Variants in CRIM1 observed in about 807,000 individuals in gnomAD.
The protein encoded by CRIM1 is cysteine rich transmembrane BMP regulator 1.
A neutral mutation model predicts 116.4 loss-of-function variants in CRIM1; 32 were observed. That is an observed-to-expected ratio of 0.27 (90% CI 0.21 to 0.37). The LOEUF (loss-of-function observed/expected upper bound fraction) is 0.37, where lower values mean the gene tolerates loss of function less well. CRIM1 is among the 10% of genes least tolerant of loss of function. The pLI, the probability that CRIM1 is intolerant of heterozygous loss-of-function variation, is 1.00. For missense variants in CRIM1, 1,331 were observed against 1,354.8 expected, an observed-to-expected ratio of 0.98 and a Z score of 0.28; for synonymous variants, 590 against 509.2, an observed-to-expected ratio of 1.16 and a Z score of -2.13.
chr2:36,372,127 G>C (rs1669982739), intron 1 of CRIM1, among the ~76,000 whole-genome samples: 1 of 152,168 alleles, frequency 6.6e-6, no homozygotes, highest in Non-Finnish European at 1.5e-5. Flanking sequence ...ATTTTTAACT[G>C]TACAGCTTCT....
Position 36,548,687 on chromosome 2 carries a change from T to C in CRIM1, c.3097T>C (p.Tyr1033His). 1 of 1,590,462 alleles carries C rather than the reference T, an allele frequency of 6.3e-7. No homozygotes were observed. The highest frequency in any genetic ancestry group is 8.5e-7 in the Non-Finnish European group (1 of 1,172,720). Residue 1033 changes from tyrosine to histidine, a missense_variant, in exon 17 of 17, where the codon TAC becomes CAC. This residue lies in a region of CRIM1 where 283 missense variants were observed against 242.8 expected (regional missense o/e 1.17). Coordinates refer to ENST00000280527, the MANE Select transcript of CRIM1 (RefSeq NM_016441.3). ...GAACCATCTACAGGCAGACAATTTC[T>C]ACCAAACAGTGTGAAGAAAGGCAAC... ...KQNHLQADNF[Y>H]QTV is the part of the protein sequence containing the mutation.
intron 2 of CRIM1, among the ~76,000 whole-genome samples, chr2:36,427,100 C>T (rs984262925): frequency 6.6e-6 from 1 of 151,612 alleles, no homozygotes; most frequent in Non-Finnish European, 1.5e-5. Context: ...ACTCAGGAGG[C>T]TAAGGAAGGA....
rs80259191 is a variant in CRIM1 at position 36,472,684 on chromosome 2, A to G, written c.992-4205A>G. On this transcript the variant is annotated intron_variant, in intron 5 of 16. Transcript: ENST00000280527. ...CCCAGATGGTAGCTGTGGTTGATCA[A>G]CTCAACCAAATAATTAGTATTGATT... Among the ~76,000 whole-genome samples, 385 of 152,302 alleles carry G rather than the reference A, an allele frequency of 2.5e-3. 2 individuals carry two copies. The highest frequency in any genetic ancestry group is 8.6e-3 in the African/African-American group (357 of 41,564).
chr2:36,433,391 T>C (rs150033606), intron 2 of CRIM1, among the ~76,000 whole-genome samples: 132 of 152,336 alleles, frequency 8.7e-4, no homozygotes, highest in Non-Finnish European at 9.3e-4. Flanking sequence ...GGGGCCGATA[T>C]ATGCCTTAGA....
At chr2:36,401,629 T>G (rs1026790573) in intron 2 of CRIM1, among the ~76,000 whole-genome samples, 4 of 152,188 alleles carry the variant, frequency 2.6e-5, no homozygotes, top group African/African-American at 9.7e-5. Context: ...ATAAGTAATG[T>G]CAATACCAAA....
intron 2 of CRIM1, among the ~76,000 whole-genome samples, chr2:36,418,208 G>C (rs1292619245): frequency 6.6e-6 from 1 of 152,178 alleles, no homozygotes; most frequent in Admixed American, 6.5e-5. Flanking sequence ...CAGCAGAGAG[G>C]GAGAAATTCA....
chr2:36,519,499 C>T (rs538221867), intron 12 of CRIM1, among the ~76,000 whole-genome samples: 14 of 152,306 alleles, frequency 9.2e-5, no homozygotes, highest in African/African-American at 3.4e-4. Flanking sequence ...AGCCTTAAAA[C>T]TCAAATTATC....
chr2:36,408,812 A>C (rs1310915054), intron 2 of CRIM1, among the ~76,000 whole-genome samples: 2 of 152,184 alleles, frequency 1.3e-5, no homozygotes, highest in African/African-American at 4.8e-5. Context: ...AGTCTGTGCA[A>C]GGGAAGTTCA....
At chr2:36,480,072 C>G (rs1679290637) in intron 7 of CRIM1, among the ~76,000 whole-genome samples, 1 of 152,122 alleles carries the variant, frequency 6.6e-6, no homozygotes, top group Non-Finnish European at 1.5e-5. Context: ...TTCCATATGC[C>G]CAAGCGTCCT....
chr2:36,454,975 G>T (rs1163428926), intron 4 of CRIM1, among the ~76,000 whole-genome samples: 2 of 152,178 alleles, frequency 1.3e-5, no homozygotes, highest in Admixed American at 1.3e-4. Flanking sequence ...GTGAAACACC[G>T]TGGGTTTTGG....
At position 36,512,410 on chromosome 2, in the gene CRIM1, T is replaced by G. The variant is rs848526; in HGVS notation, c.1780+16T>G. The G allele has an allele frequency of 1.0e-5, 16 of 1,596,452 alleles. No individual in the cohort carries two copies. In the Admixed American group the frequency reaches 2.5e-4, roughly 25 times the overall value. On this transcript the variant is annotated intron_variant, in intron 10 of 16. Transcript: ENST00000280527. ...AAGTGCAGAGGTAAGTGTGTACACATGGCCCTTCCCCCTCAAAGCAGCCAG... is the reference window on the plus strand; with the variant it reads ...AAGTGCAGAGGTAAGTGTGTACACAGGGCCCTTCCCCCTCAAAGCAGCCAG...
chr2:36,413,421 C>T (rs1419929339), intron 2 of CRIM1, among the ~76,000 whole-genome samples: 2 of 152,192 alleles, frequency 1.3e-5, no homozygotes, highest in East Asian at 1.9e-4. Context: ...GCTTTTCTGT[C>T]CTTTAATTTT....
At chr2:36,400,481 C>T (rs1000022339) in intron 2 of CRIM1, among the ~76,000 whole-genome samples, 1 of 152,052 alleles carries the variant, frequency 6.6e-6, no homozygotes, top group Admixed American at 6.6e-5. Context: ...GCCACACCTC[C>T]GTGTGGCTGG....
At chr2:36,487,908 G>A (rs1679952626) in intron 7 of CRIM1, among the ~76,000 whole-genome samples, 1 of 152,078 alleles carries the variant, frequency 6.6e-6, no homozygotes, top group Non-Finnish European at 1.5e-5. Flanking sequence ...GAAATTGCAG[G>A]TGTTCTATTC....
intron 8 of CRIM1, among the ~76,000 whole-genome samples, chr2:36,504,882 G>T (rs933649024): frequency 6.6e-6 from 1 of 152,154 alleles, no homozygotes. Context: ...AAGTGGATTT[G>T]ATCAGATTAT....
intron 7 of CRIM1, among the ~76,000 whole-genome samples, chr2:36,491,044 G>A (rs1680191807): frequency 6.6e-6 from 1 of 152,190 alleles, no homozygotes; most frequent in African/African-American, 2.4e-5. Flanking sequence ...TAGAAGATGA[G>A]CTCCTGAGTT....
In CRIM1 at chr2:36,544,509, A is replaced by C. The variant is rs768288585; in HGVS notation, c.2746+11A>C. 2 of 1,324,606 alleles carry C rather than the reference A, an allele frequency of 1.5e-6. No homozygotes were observed. Among genetic ancestry groups the C allele is most frequent in the Non-Finnish European group, 1.9e-6 (2 of 1,027,390 alleles). The allele number at this position is 1,324,606 out of a possible 1,614,324, so 82.1% of individuals were successfully genotyped here. A position where few individuals can be genotyped will look rare whatever the true frequency, so the allele number is the denominator to read the frequency against. ...TCCATCTCCCTAGAGGTAAGCATTG[A>C]AGGCAGCTGAGATCTGCTAGTTTTC... is the stretch of plus-strand genomic sequence containing the variant. On this transcript the variant is annotated intron_variant, in intron 15 of 16. Transcript: ENST00000280527.
chr2:36,426,744 C>G (rs934807696), intron 2 of CRIM1, among the ~76,000 whole-genome samples: 2 of 152,202 alleles, frequency 1.3e-5, no homozygotes, highest in Non-Finnish European at 2.9e-5. Flanking sequence ...TTGTTTATAT[C>G]TGACCTCCCA....
At chr2:36,531,120 A>G (rs902437755) in intron 13 of CRIM1, among the ~76,000 whole-genome samples, 29 of 152,228 alleles carry the variant, frequency 1.9e-4, no homozygotes, top group Non-Finnish European at 4.3e-4. Flanking sequence ...ATCCCAGAGT[A>G]AATTACTTTT....
Sources: allele counts gnomAD v4.1 joint callset (sites outside exome capture counted in the v4.1 genomes callset), GRCh38; gene constraint gnomAD v4.1.1; regional missense constraint gnomAD v4.1.1; transcripts MANE v1.5; gene names NCBI Gene and HGNC (gene_info 2026-07-23, HGNC 2026-07-21).